CSMD3: variants seen among roughly 807,000 people sequenced by gnomAD.
CSMD3 encodes the protein CUB and Sushi multiple domains 3.
Under a neutral mutation model 435.2 loss-of-function variants are expected in CSMD3, and 177 were observed. That is an observed-to-expected ratio of 0.41 (90% CI 0.36 to 0.46). CSMD3 has a LOEUF of 0.46. CSMD3 is among the 20% of genes least tolerant of loss of function. The probability of loss-of-function intolerance (pLI) is 0.34; values close to 1 mark genes in which losing one functional copy is unlikely to be tolerated. For missense variants in CSMD3, 4,265 were observed against 4,504.6 expected (o/e 0.95, Z 1.52); for synonymous variants, 1,656 against 1,520.5 (o/e 1.09, Z -2.07).
chr8:113,414,284 T>C (rs541603616), intron 1 of CSMD3, among the ~76,000 whole-genome samples: 1 of 152,204 alleles, frequency 6.6e-6, no homozygotes, highest in Non-Finnish European at 1.5e-5. Context: ...AAATATTCTT[T>C]CTGTTAAATA....
intron 10 of CSMD3, among the ~76,000 whole-genome samples, chr8:112,873,287 A>C (rs2081188164): frequency 6.6e-6 from 1 of 152,012 alleles, no homozygotes; most frequent in Admixed American, 6.6e-5. Context: ...GGAAGATTTT[A>C]GACCTCCCCA....
At chr8:112,916,838 C>T (rs188524539) in intron 10 of CSMD3, among the ~76,000 whole-genome samples, 8 of 152,030 alleles carry the variant, frequency 5.3e-5, no homozygotes, top group African/African-American at 1.7e-4. Context: ...ATTATAGCAG[C>T]TACTGTATGT....
intron 1 of CSMD3, among the ~76,000 whole-genome samples, chr8:113,378,411 G>A (rs1396793464): frequency 1.3e-5 from 2 of 152,028 alleles, no homozygotes; most frequent in African/African-American, 4.8e-5. Context: ...TAGTTGAGGA[G>A]GTAAATATTA....
intron 3 of CSMD3, among the ~76,000 whole-genome samples, chr8:113,184,425 G>A (rs1398600589): frequency 2.0e-5 from 3 of 151,910 alleles, no homozygotes; most frequent in Admixed American, 2.0e-4. Flanking sequence ...CTTTTGGGTG[G>A]CCAGCCTCAA....
At chr8:112,363,951 A>G (rs1042230368) in intron 38 of CSMD3, among the ~76,000 whole-genome samples, 1 of 152,062 alleles carries the variant, frequency 6.6e-6, no homozygotes, top group Admixed American at 6.6e-5. Context: ...TAGTTAAAAC[A>G]AGAAAATTAG....
intron 12 of CSMD3, among the ~76,000 whole-genome samples, chr8:112,804,768 A>G (rs730612): frequency 0.53 from 80,726 of 151,452 alleles, 22,116 homozygotes; most frequent in East Asian, 0.76. Flanking sequence ...GGGTTCAAGC[A>G]ATTATCCTGC....
chr8:113,411,675 T>G (rs1324822831), intron 1 of CSMD3, among the ~76,000 whole-genome samples: 3 of 152,164 alleles, frequency 2.0e-5, no homozygotes, highest in African/African-American at 7.2e-5. Context: ...ACAGAATTTA[T>G]AGCACTCTAA....
At chr8:113,240,368 T>G (rs1038513483) in intron 3 of CSMD3, among the ~76,000 whole-genome samples, 1 of 152,194 alleles carries the variant, frequency 6.6e-6, no homozygotes, top group African/African-American at 2.4e-5. Flanking sequence ...TTTGGGTATA[T>G]ACCCAGTGAT....
intron 38 of CSMD3, among the ~76,000 whole-genome samples, chr8:112,355,479 C>G (rs898142082): frequency 6.6e-6 from 1 of 152,118 alleles, no homozygotes; most frequent in Non-Finnish European, 1.5e-5. Context: ...TCTGACAAAG[C>G]TCTAATATCC....
chr8:112,628,163 C>CT (rs1282064463), intron 22 of CSMD3, among the ~76,000 whole-genome samples: 3 of 151,950 alleles, frequency 2.0e-5, no homozygotes, highest in African/African-American at 7.3e-5. Context: ...TATCACACAC[C>CT]TTTTTTACCT....
chr8:112,910,089 A>G (rs2082366369), intron 10 of CSMD3, among the ~76,000 whole-genome samples: 1 of 151,860 alleles, frequency 6.6e-6, no homozygotes, highest in South Asian at 2.1e-4. Context: ...TCCTCAGTGC[A>G]GTTAAATTGA....
intron 10 of CSMD3, among the ~76,000 whole-genome samples, chr8:112,865,725 CACAG>C (rs2080962169): frequency 6.6e-6 from 1 of 150,558 alleles, no homozygotes; most frequent in Non-Finnish European, 1.5e-5. Flanking sequence ...CACACACACA[CACAG>C]ACCATTGTTT....
chr8:113,404,236 T>A (rs971218173), intron 1 of CSMD3, among the ~76,000 whole-genome samples: 2 of 151,420 alleles, frequency 1.3e-5, no homozygotes, highest in Non-Finnish European at 3.0e-5. Flanking sequence ...ATAAAATTAA[T>A]GAAATGCATA....
chr8:113,269,310 G>C (rs1187794237), intron 3 of CSMD3, among the ~76,000 whole-genome samples: 2 of 152,000 alleles, frequency 1.3e-5, no homozygotes, highest in Non-Finnish European at 2.9e-5. Flanking sequence ...AAATAAAAGA[G>C]GATACAAACA....
intron 32 of CSMD3, among the ~76,000 whole-genome samples, chr8:112,426,709 TA>T (rs1216465682): frequency 6.6e-6 from 1 of 152,216 alleles, no homozygotes; most frequent in Non-Finnish European, 1.5e-5. Context: ...TCTGGTCATA[TA>T]AATTATTGCA....
At chr8:113,368,007 T>C (rs1390042530) in intron 1 of CSMD3, among the ~76,000 whole-genome samples, 2 of 152,118 alleles carry the variant, frequency 1.3e-5, no homozygotes, top group Non-Finnish European at 2.9e-5. Flanking sequence ...TACCTGCTGA[T>C]TTGCTACTGA....
At chr8:112,434,961 C>T (rs924188704) in intron 32 of CSMD3, among the ~76,000 whole-genome samples, 4 of 151,970 alleles carry the variant, frequency 2.6e-5, no homozygotes, top group Admixed American at 2.6e-4. Context: ...GATCTTCAGT[C>T]CATGGTACAT....
rs147951286 is a variant in CSMD3 at position 112,507,450 on chromosome 8, A to G, written c.4757-621T>C. 3.5e-3 allele frequency among the ~76,000 whole-genome samples: 530 copies of G among 152,292 alleles called. 1 individual carries two copies. Among genetic ancestry groups the G allele is most frequent in the African/African-American group, 0.012 (510 of 41,576 alleles). On this transcript the variant is annotated intron_variant, in intron 28 of 70. Transcript: ENST00000297405. ...CAGAAATTGACATCTTCAAAAAAAT[A>G]GAGAAATGAAGAAAGATATGGAGGT...
In CSMD3 at chr8:113,411,606, G is replaced by A. The variant is rs79313459; in HGVS notation, c.178+25071C>T. 2.5e-3 allele frequency among the ~76,000 whole-genome samples: 382 copies of A among 152,172 alleles called. 1 individual carries two copies. The highest frequency in any genetic ancestry group is 4.2e-3 in the Admixed American group (64 of 15,284). ...GTTGAGCTAGATTTTCTCAAAATGAGGACCCAATCCTTATTAAATCCATTA... is the reference window on the plus strand; with the variant it reads ...GTTGAGCTAGATTTTCTCAAAATGAAGACCCAATCCTTATTAAATCCATTA... On this transcript the variant is annotated intron_variant, in intron 1 of 70. Coordinates refer to ENST00000297405, the MANE Select transcript of CSMD3 (RefSeq NM_198123.2).
Sources: gnomAD v4.1 joint callset for allele counts (sites outside exome capture counted in the v4.1 genomes callset) on GRCh38, gnomAD v4.1.1 for gene constraint, MANE v1.5 for transcripts, NCBI Gene and HGNC (gene_info 2026-07-23, HGNC 2026-07-21) for gene names.